The following ZCWPW2 variants were observed in gnomAD, a reference collection of about 807,000 sequenced individuals.
The protein encoded by ZCWPW2 is zinc finger CW-type PWWP domain protein 2.
In ZCWPW2, 45 loss-of-function variants were observed where a neutral mutation model predicts 46.6. The ratio of observed to expected loss-of-function variants is 0.96; its 90% CI spans 0.76 to 1.24. ZCWPW2 has a LOEUF of 1.24. ZCWPW2 is among the 50% of genes most tolerant of loss of function. The pLI is 0.00. For synonymous variants in ZCWPW2, 152 were observed against 137.1 expected, an observed-to-expected ratio of 1.11 and a Z score of -0.76; for missense variants, 429 against 403.9, an observed-to-expected ratio of 1.06 and a Z score of -0.53.
rs1422175115 is a variant in ZCWPW2 at position 28,526,295 on chromosome 3, A to G, written c.*1607A>G. ...AGTTTTCTTTCTGTTATATCATTTA[A>G]TCTACTACTCATCAATATCAGAGTT... On this transcript the variant is annotated 3_prime_UTR_variant, in exon 10 of 10. Transcript: ENST00000383768. 1.3e-5 allele frequency among the ~76,000 whole-genome samples: 2 copies of G among 152,182 alleles called. No homozygotes were observed. Among genetic ancestry groups the G allele is most frequent in the Non-Finnish European group, 2.9e-5 (2 of 68,020 alleles).
At chr3:28,433,402 T>C (rs1697350310) in intron 3 of ZCWPW2, among the ~76,000 whole-genome samples, 1 of 152,166 alleles carries the variant, frequency 6.6e-6, no homozygotes, top group Non-Finnish European at 1.5e-5. Flanking sequence ...TTTCAAACCA[T>C]GTTTTCACCT....
intron 2 of ZCWPW2, 51 bp from the exon 3 acceptor site, chr3:28,413,005 C>T (rs973952570): frequency 6.9e-6 from 10 of 1,457,794 alleles, no homozygotes; most frequent in African/African-American, 1.4e-5. Flanking sequence ...ATTTTCTCTC[C>T]TTATACTCTT....
At chr3:28,471,106 A>G (rs1283021688) in intron 4 of ZCWPW2, among the ~76,000 whole-genome samples, 2 of 152,198 alleles carry the variant, frequency 1.3e-5, no homozygotes, top group Non-Finnish European at 2.9e-5. Flanking sequence ...GATAAAAACT[A>G]TAATAAAAAG....
intron 2 of ZCWPW2, among the ~76,000 whole-genome samples, chr3:28,406,826 CT>C (rs11337849): frequency 0.44 from 53,014 of 119,354 alleles, 8,447 homozygotes; most frequent in African/African-American, 0.47. Flanking sequence ...TCTTTTTTTT[CT>C]TTTTTTTTTT....
At chr3:28,502,606 A>C (rs942503215) in intron 6 of ZCWPW2, among the ~76,000 whole-genome samples, 4 of 152,104 alleles carry the variant, frequency 2.6e-5, no homozygotes, top group African/African-American at 9.7e-5. Context: ...AGAGAAAACA[A>C]TAGTATGTTG....
At chr3:28,421,168 A>T (rs1456795284) in intron 3 of ZCWPW2, among the ~76,000 whole-genome samples, 4 of 152,182 alleles carry the variant, frequency 2.6e-5, no homozygotes, top group Admixed American at 6.5e-5. Flanking sequence ...TTTCCAAGGG[A>T]GGGAAGGGTG....
chr3:28,350,801 G>C (rs1425576157), intron 1 of ZCWPW2, among the ~76,000 whole-genome samples: 1 of 151,648 alleles, frequency 6.6e-6, no homozygotes, highest in Non-Finnish European at 1.5e-5. Context: ...ATACAGTCTT[G>C]ATAAGGACAT....
At chr3:28,365,199 G>A (rs1705082404) in intron 1 of ZCWPW2, among the ~76,000 whole-genome samples, 1 of 148,580 alleles carries the variant, frequency 6.7e-6, no homozygotes, top group Admixed American at 6.9e-5. Flanking sequence ...TGCTTTTGGT[G>A]TTTTAGACAT....
intron 1 of ZCWPW2, among the ~76,000 whole-genome samples, chr3:28,375,488 A>G (rs1705473434): frequency 6.6e-6 from 1 of 151,820 alleles, no homozygotes; most frequent in South Asian, 2.1e-4. Context: ...GTTTTAATCC[A>G]TTGCTTGATT....
chr3:28,406,826 C>CTTTTTTTT (rs11337849), intron 2 of ZCWPW2, among the ~76,000 whole-genome samples: 3 of 119,980 alleles, frequency 2.5e-5, no homozygotes, highest in Non-Finnish European at 5.2e-5. Context: ...TCTTTTTTTT[C>CTTTTTTTT]TTTTTTTTTT....
chr3:28,511,981 A>T (rs1407110974), intron 6 of ZCWPW2, among the ~76,000 whole-genome samples: 1 of 152,152 alleles, frequency 6.6e-6, no homozygotes, highest in African/African-American at 2.4e-5. Context: ...AGAAAATAGT[A>T]TTAAACCTTT....
chr3:28,425,743 C>T (rs764661293), intron 3 of ZCWPW2, among the ~76,000 whole-genome samples: 3 of 152,130 alleles, frequency 2.0e-5, no homozygotes, highest in Non-Finnish European at 4.4e-5. Context: ...GTGCAGACTC[C>T]AGGAATAATC....
At chr3:28,381,438 C>T (rs1194528218) in intron 1 of ZCWPW2, among the ~76,000 whole-genome samples, 1 of 151,958 alleles carries the variant, frequency 6.6e-6, no homozygotes, top group African/African-American at 2.4e-5. Context: ...AGGTCTTCGT[C>T]CTTACTGTCT....
At chr3:28,497,640 A>G (rs946897337) in intron 6 of ZCWPW2, among the ~76,000 whole-genome samples, 1 of 152,058 alleles carries the variant, frequency 6.6e-6, no homozygotes, top group Non-Finnish European at 1.5e-5. Flanking sequence ...TAAGTTGTTA[A>G]AGTTATGCGT....
At chr3:28,426,251 T>A (rs1048503874) in intron 3 of ZCWPW2, among the ~76,000 whole-genome samples, 2 of 151,944 alleles carry the variant, frequency 1.3e-5, no homozygotes, top group Non-Finnish European at 2.9e-5. Flanking sequence ...CTTGTTTTTT[T>A]AAAAATTGAT....
intron 2 of ZCWPW2, among the ~76,000 whole-genome samples, chr3:28,394,064 A>G (rs1157444749): frequency 6.6e-6 from 1 of 152,132 alleles, no homozygotes; most frequent in Non-Finnish European, 1.5e-5. Flanking sequence ...TGTTAGAACT[A>G]ATAAATTTAC....
intron 4 of ZCWPW2, among the ~76,000 whole-genome samples, chr3:28,444,883 C>T (rs1182883292): frequency 6.6e-6 from 1 of 152,132 alleles, no homozygotes; most frequent in Non-Finnish European, 1.5e-5. Context: ...AACTTCTTGC[C>T]TCACATGGGC....
intron 1 of ZCWPW2, among the ~76,000 whole-genome samples, chr3:28,370,446 T>TA (rs556105698): frequency 3.9e-5 from 6 of 152,188 alleles, no homozygotes; most frequent in Non-Finnish European, 8.8e-5. Context: ...CTACAAGCAA[T>TA]AGCATGGAGG....
chr3:28,360,228 G>A (rs1028369334), intron 1 of ZCWPW2, among the ~76,000 whole-genome samples: 6 of 151,678 alleles, frequency 4.0e-5, no homozygotes, highest in African/African-American at 7.3e-5. Context: ...AATTCTGGCC[G>A]GGCGCGGTGG....
Sources: gnomAD v4.1 joint callset for allele counts (sites outside exome capture counted in the v4.1 genomes callset) on GRCh38, gnomAD v4.1.1 for gene constraint, MANE v1.5 for transcripts, NCBI Gene and HGNC (gene_info 2026-07-23, HGNC 2026-07-21) for gene names.